The following MCM3AP variants were observed in gnomAD, a reference collection of about 807,000 sequenced individuals.
MCM3AP encodes germinal-center associated nuclear protein.
In MCM3AP, 126 loss-of-function variants were observed where a neutral mutation model predicts 184.1. The observed-to-expected ratio is 0.68, with a 90% CI of 0.59 to 0.79. MCM3AP has a LOEUF of 0.79. MCM3AP is among the 30% of genes least tolerant of loss of function. The pLI, the probability that MCM3AP is intolerant of heterozygous loss-of-function variation, is 0.00. For synonymous variants in MCM3AP, 1,002 were observed against 979.3 expected (o/e 1.02, Z -0.43); for missense variants, 2,496 against 2,479.2 (o/e 1.01, Z -0.14).
intron 13 of MCM3AP, among the ~76,000 whole-genome samples, chr21:46,263,428 A>G (rs1173146243): frequency 6.6e-6 from 1 of 152,136 alleles, no homozygotes; most frequent in Non-Finnish European, 1.5e-5. Flanking sequence ...AGAAATTAAG[A>G]ATGACCTAAA....
chr21:46,240,557 A>G (rs2080642728), intron 26 of MCM3AP, among the ~76,000 whole-genome samples: 1 of 152,210 alleles, frequency 6.6e-6, no homozygotes, highest in South Asian at 2.1e-4. Context: ...ATTTCCCAGA[A>G]AAACTTAACA....
chr21:46,249,046 A>G (rs1569057799), intron 20 of MCM3AP, among the ~76,000 whole-genome samples: 1 of 152,236 alleles, frequency 6.6e-6, no homozygotes, highest in Non-Finnish European at 1.5e-5. Context: ...AAGCTAGTCC[A>G]GTGCCAGTGT....
chr21:46,249,330 G>C (rs1180678680), intron 20 of MCM3AP, among the ~76,000 whole-genome samples: 1 of 152,062 alleles, frequency 6.6e-6, no homozygotes, highest in African/African-American at 2.4e-5. Flanking sequence ...TAGAACTACA[G>C]GCACACACCA....
rs138613682 is a variant in MCM3AP at position 46,257,016 on chromosome 21, G to C, written c.3735-30C>G. 4.7e-4 allele frequency: 755 copies of C among 1,591,318 alleles called. 10 individuals carry two copies. In the East Asian group the frequency reaches 0.016, roughly 33 times the overall value. ...GGACATGAAAATGTATCATCACAGA[G>C]TGTTTTCAGGGTCTTCAAACTGAGA... On this transcript the variant is annotated intron_variant, in intron 16 of 27. Coordinates refer to ENST00000291688, the MANE Select transcript of MCM3AP (RefSeq NM_003906.5).
chr21:46,245,199 TGAGAA>T lies in MCM3AP; in HGVS notation c.4648-7_4648-3del. The T allele has an allele frequency of 6.3e-7, 1 of 1,576,344 alleles. No homozygotes were observed. The highest frequency in any genetic ancestry group is 8.6e-7 in the Non-Finnish European group (1 of 1,163,778). On this transcript the variant is annotated splice_region_variant and splice_polypyrimidine_tract_variant and intron_variant, in intron 22 of 27. Transcript: ENST00000291688. Reference sequence around the variant, plus strand: ...CAGCCACTGCACTGCTTGCAAAACCTGAGAAGAAAGAAGAGACTTGGTTGAACAAT... The same window carrying T: ...CAGCCACTGCACTGCTTGCAAAACCTGAAAGAAGAGACTTGGTTGAACAAT...
chr21:46,274,561 A>T (rs1050903624), intron 6 of MCM3AP, among the ~76,000 whole-genome samples: 7 of 152,228 alleles, frequency 4.6e-5, no homozygotes, highest in African/African-American at 1.7e-4. Flanking sequence ...AGTGGAAAAG[A>T]TACACATAAA....
Position 46,273,517 on chromosome 21 carries a change from G to C in MCM3AP, c.2067C>G (p.His689Gln), listed in dbSNP as rs752489055. ...TGAGCACTGGCAAGGGCCGCAGCTCGTGGGGCAGGGGCTCCTCCTGATCCG... is the reference window on the plus strand; with the variant it reads ...TGAGCACTGGCAAGGGCCGCAGCTCCTGGGGCAGGGGCTCCTCCTGATCCG... ...SSADQEEPLP[H>Q]ELRPLPVLSR... Residue 689 changes from histidine to glutamine, a missense_variant, in exon 7 of 28, where the codon CAC becomes CAG. Physicochemically the swap from His to Gln is conservative, Grantham distance 24. Coordinates refer to ENST00000291688, the MANE Select transcript of MCM3AP (RefSeq NM_003906.5). 2 of 1,613,888 alleles carry C rather than the reference G, an allele frequency of 1.2e-6. No individual in the cohort carries two copies. Among genetic ancestry groups the C allele is most frequent in the East Asian group, 2.2e-5 (1 of 44,864 alleles).
intron 9 of MCM3AP, among the ~76,000 whole-genome samples, chr21:46,269,277 C>T (rs554374103): frequency 3.3e-5 from 5 of 151,992 alleles, no homozygotes; most frequent in African/African-American, 1.2e-4. Context: ...CCACACCTGC[C>T]TGGCTTTTTT....
At chr21:46,267,249 C>T in intron 9 of MCM3AP, 107 bp from the exon 10 acceptor site, 2 of 1,093,740 alleles carry the variant, frequency 1.8e-6, no homozygotes, top group Admixed American at 2.3e-5. Context: ...ATGGGCTCCT[C>T]CTGGGCTGAG....
intron 20 of MCM3AP, 56 bp from the exon 21 acceptor site, chr21:46,246,942 A>G (rs2080783178): frequency 1.9e-6 from 3 of 1,577,360 alleles, no homozygotes; most frequent in Non-Finnish European, 1.7e-6. Flanking sequence ...ATCAGCAGTG[A>G]CTGATCTGCC....
chr21:46,261,540 C>G, intron 13 of MCM3AP, 129 bp from the exon 14 acceptor site: 1 of 776,752 alleles, frequency 1.3e-6, no homozygotes, highest in Non-Finnish European at 2.1e-6. Flanking sequence ...CAAGACCATT[C>G]TGGCCAACAC....
chr21:46,283,971 T>G, intron 1 of MCM3AP, 97 bp downstream of exon 1: 1 of 1,542,712 alleles, frequency 6.5e-7, no homozygotes, highest in Non-Finnish European at 8.7e-7. Flanking sequence ...CTAATGTTTA[T>G]GGGAGATTTA....
At chr21:46,249,279 C>G (rs2080831101) in intron 20 of MCM3AP, among the ~76,000 whole-genome samples, 1 of 152,148 alleles carries the variant, frequency 6.6e-6, no homozygotes, top group Non-Finnish European at 1.5e-5. Context: ...CCTCGAACTC[C>G]CAGGTTCAAG....
chr21:46,235,607 C>G (rs1332421945), intron 27 of MCM3AP, among the ~76,000 whole-genome samples, 181 bp from the exon 28 acceptor site: 1 of 152,188 alleles, frequency 6.6e-6, no homozygotes, highest in South Asian at 2.1e-4. Context: ...GTACATTCAG[C>G]TGGTATCTGT....
At chr21:46,243,053 G>T in intron 24 of MCM3AP, 122 bp from the exon 25 acceptor site, 1 of 894,066 alleles carries the variant, frequency 1.1e-6, no homozygotes, top group Non-Finnish European at 1.7e-6. Context: ...GCGACAGGTG[G>T]CATGTGCTTA....
At chr21:46,237,065 CT>C in intron 26 of MCM3AP, 86 bp from the exon 27 acceptor site, 2 of 562,404 alleles carry the variant, frequency 3.6e-6, no homozygotes, top group Non-Finnish European at 5.5e-6. Context: ...TACTTAAAAA[CT>C]TTTTAAGCCT....
rs2145663514 is a variant in MCM3AP, at chr21:46,261,010, C to T, written c.3468-104G>A. On this transcript the variant is annotated intron_variant, in intron 14 of 27. Coordinates refer to ENST00000291688, the MANE Select transcript of MCM3AP (RefSeq NM_003906.5). Reference sequence around the variant, plus strand: ...GCAGACAGGGATTGAGGTGTGCTGCCTGAGTCGGTAGGCCACCCCTACTCC... The same window carrying T: ...GCAGACAGGGATTGAGGTGTGCTGCTTGAGTCGGTAGGCCACCCCTACTCC... The T allele has an allele frequency of 6.1e-6, 6 of 984,886 alleles. 1 individual carries two copies. In the Middle Eastern group the frequency reaches 9.5e-4, roughly 155 times the overall value. The allele number at this position is 984,886 out of a possible 1,614,324, so 61.0% of individuals were successfully genotyped here. A position where few individuals can be genotyped will look rare whatever the true frequency, so the allele number is the denominator to read the frequency against.
chr21:46,237,875 A>G (rs112120333), intron 26 of MCM3AP, among the ~76,000 whole-genome samples: 4 of 116,106 alleles, frequency 3.4e-5, no homozygotes, highest in South Asian at 2.8e-4. Flanking sequence ...CGAGGCGGGC[A>G]GATCACCTGA....
chr21:46,254,156 A>C, intron 19 of MCM3AP: 4 of 557,206 alleles, frequency 7.2e-6, no homozygotes, highest in Non-Finnish European at 1.3e-5. Flanking sequence ...ATATTTCTTT[A>C]AAGCAGTGTG....
Sources: gnomAD v4.1 joint callset for allele counts (sites outside exome capture counted in the v4.1 genomes callset) on GRCh38, gnomAD v4.1.1 for gene constraint, MANE v1.5 for transcripts, NCBI Gene and HGNC (gene_info 2026-07-23, HGNC 2026-07-21) for gene names.